The following VANGL2 variants were observed in gnomAD, a reference collection of about 807,000 sequenced individuals.
VANGL2 encodes vang-like protein 2.
In VANGL2, 14 loss-of-function variants were observed where a neutral mutation model predicts 50.2. That is an observed-to-expected ratio of 0.28 (90% CI 0.18 to 0.44). The LOEUF is 0.44. Among genes scored for constraint, VANGL2 ranks in the 20% least tolerant of loss-of-function variants. VANGL2 has a pLI of 1.00. For synonymous variants in VANGL2, 295 were observed against 297.2 expected (o/e 0.99, Z 0.08); for missense variants, 533 against 701.5 (o/e 0.76, Z 2.71).
intron 1 of VANGL2, among the ~76,000 whole-genome samples, chr1:160,414,096 G>A (rs1650976575): frequency 6.6e-6 from 1 of 152,152 alleles, no homozygotes; most frequent in South Asian, 2.1e-4. Context: ...TCACTCTTCT[G>A]TGGCTCTACC....
chr1:160,413,575 T>C (rs1324443001), intron 1 of VANGL2, among the ~76,000 whole-genome samples: 2 of 152,154 alleles, frequency 1.3e-5, no homozygotes, highest in Non-Finnish European at 2.9e-5. Context: ...GTTTTTAACA[T>C]AATCAGCCTC....
chr1:160,410,698 A>ACACG (rs1557906753), intron 1 of VANGL2, among the ~76,000 whole-genome samples: 1 of 80,324 alleles, frequency 1.2e-5, no homozygotes, highest in Non-Finnish European at 3.3e-5. Context: ...ACACACACAC[A>ACACG]CGCACGCACG....
At chr1:160,407,177 T>TA (rs1192597939) in intron 1 of VANGL2, among the ~76,000 whole-genome samples, 1 of 152,138 alleles carries the variant, frequency 6.6e-6, no homozygotes, top group African/African-American at 2.4e-5. Context: ...AGGTGGCAGA[T>TA]ATAAGGGATG....
intron 1 of VANGL2, among the ~76,000 whole-genome samples, 150 bp from the exon 2 acceptor site, chr1:160,415,497 CA>C (rs1412107105): frequency 6.6e-6 from 1 of 152,164 alleles, no homozygotes; most frequent in African/African-American, 2.4e-5. Flanking sequence ...GAACTGGGCC[CA>C]GTGGACAGCA....
rs1372410165 is a variant in VANGL2 at position 160,400,868 on chromosome 1, G to C, written c.-192G>C. 6.6e-6 allele frequency: 1 copy of C among 152,118 alleles called. No homozygotes were observed. The highest frequency in any genetic ancestry group is 1.5e-5 in the Non-Finnish European group (1 of 68,032). The allele number at this position is 152,118 out of a possible 1,614,324, so 9.4% of individuals were successfully genotyped here. A position where few individuals can be genotyped will look rare whatever the true frequency, so the allele number is the denominator to read the frequency against. On this transcript the variant is annotated splice_region_variant and 5_prime_UTR_variant, in exon 1 of 8. Transcript: ENST00000368061. Reference sequence around the variant, plus strand: ...AGCCCACCCGGCAGTTCGCAGCGGCGGGTGAGTGCCGGGCCGCGGGGGCGC... The same window carrying C: ...AGCCCACCCGGCAGTTCGCAGCGGCCGGTGAGTGCCGGGCCGCGGGGGCGC...
At chr1:160,406,467 A>G (rs1293255480) in intron 1 of VANGL2, among the ~76,000 whole-genome samples, 1 of 151,480 alleles carries the variant, frequency 6.6e-6, no homozygotes, top group African/African-American at 2.4e-5. Context: ...CTGGGCAGAA[A>G]CCTCTCCTGG....
In VANGL2 at chr1:160,425,458, C is replaced by A; in HGVS notation, c.*80C>A. On this transcript the variant is annotated 3_prime_UTR_variant, in exon 8 of 8. Transcript: ENST00000368061. Reference sequence around the variant, plus strand: ...GGGGCTTGGTTCTCAGGCCCAGCCACATTCCTGCCACCCTTCTTCTTCTTG... The same window carrying A: ...GGGGCTTGGTTCTCAGGCCCAGCCAAATTCCTGCCACCCTTCTTCTTCTTG... The A allele has an allele frequency of 6.7e-6, 7 of 1,040,668 alleles. No individual in the cohort carries two copies. Among genetic ancestry groups the A allele is most frequent in the Non-Finnish European group, 9.4e-6 (7 of 744,544 alleles). The allele number at this position is 1,040,668 out of a possible 1,614,324, so 64.5% of individuals were successfully genotyped here.
chr1:160,418,507 G>A (rs1193913033), intron 3 of VANGL2, among the ~76,000 whole-genome samples: 1 of 151,470 alleles, frequency 6.6e-6, no homozygotes, highest in African/African-American at 2.4e-5. Flanking sequence ...CCAATAATTA[G>A]CATTATTTTC....
chr1:160,408,981 CA>C (rs1650783983), intron 1 of VANGL2, among the ~76,000 whole-genome samples: 2 of 151,662 alleles, frequency 1.3e-5, no homozygotes, highest in South Asian at 4.1e-4. Context: ...GAAGGAACAT[CA>C]AGGTTCTTAG....
At chr1:160,420,120 G>C (rs1651215350) in intron 4 of VANGL2, among the ~76,000 whole-genome samples, 1 of 152,118 alleles carries the variant, frequency 6.6e-6, no homozygotes, top group Admixed American at 6.5e-5. Flanking sequence ...TCCTGTAGAG[G>C]ATCTTGGGGG....
intron 1 of VANGL2, among the ~76,000 whole-genome samples, chr1:160,403,942 T>C (rs1650566791): frequency 6.6e-6 from 1 of 152,206 alleles, no homozygotes; most frequent in Admixed American, 6.5e-5. Flanking sequence ...ACAAAACTGG[T>C]AACTTTTTGA....
rs552247057 is a variant in VANGL2 at position 160,425,139 on chromosome 1, G to A, written c.1327G>A (p.Ala443Thr). Reference sequence around the variant, plus strand: ...TCAGGCCTTCTTGGAGCGATACTTGGCGGCTGGACCTACCATCCAGTACCA... The same window carrying A: ...TCAGGCCTTCTTGGAGCGATACTTGACGGCTGGACCTACCATCCAGTACCA... Reference protein sequence around the residue: ...TPKAFLERYLAAGPTIQYHKE... With the variant: ...TPKAFLERYLTAGPTIQYHKE... The change falls in exon 8 of 8, where the codon GCG becomes ACG. Residue 443 changes from alanine (A) to threonine (T), a missense_variant. By Grantham distance (58) the Ala-to-Thr change is moderately conservative. Transcript: ENST00000368061. 3.0e-5 allele frequency: 49 copies of A among 1,613,970 alleles called. No individual in the cohort carries two copies. Among genetic ancestry groups the A allele is most frequent in the Admixed American group, 5.0e-5 (3 of 60,004 alleles).
chr1:160,420,332 A>G lies in VANGL2; in HGVS notation c.801-79A>G. ...TCCTGTGTCCTCTCCTGCCCTGCCA[A>G]CCTGCCCTAATGTGTCCCTTTCCCC... On this transcript the variant is annotated intron_variant, in intron 4 of 7. Transcript: ENST00000368061. The G allele has an allele frequency of 1.0e-5, 16 of 1,589,960 alleles. No homozygotes were observed. The South Asian group carries it at 1.7e-4, about 16-fold the overall frequency.
At chr1:160,402,760 T>A (rs1650518892) in intron 1 of VANGL2, among the ~76,000 whole-genome samples, 1 of 152,052 alleles carries the variant, frequency 6.6e-6, no homozygotes, top group Admixed American at 6.6e-5. Context: ...AGGAAGTGAA[T>A]GTCTCTTTCC....
chr1:160,414,786 C>T (rs1650995609), intron 1 of VANGL2, among the ~76,000 whole-genome samples: 2 of 125,830 alleles, frequency 1.6e-5, no homozygotes, highest in African/African-American at 3.1e-5. Flanking sequence ...AACATTGGGT[C>T]TAGAGTAGGT....
chr1:160,408,205 A>G (rs1290292943), intron 1 of VANGL2, among the ~76,000 whole-genome samples: 1 of 151,790 alleles, frequency 6.6e-6, no homozygotes, highest in East Asian at 1.9e-4. Context: ...AGGTCTCTAC[A>G]GAACCTGCCT....
Position 160,419,677 on chromosome 1 carries a change from G to T in VANGL2, c.800+68G>T. 6.4e-7 allele frequency: 1 copy of T among 1,568,380 alleles called. No individual in the cohort carries two copies. Among genetic ancestry groups the T allele is most frequent in the Non-Finnish European group, 8.6e-7 (1 of 1,165,926 alleles). ...TGGGAGGATGTGGAGTGACTGCTAG[G>T]GTGGGAGGGTATGATGGTGGGCTGG... On this transcript the variant is annotated intron_variant, in intron 4 of 7. Transcript: ENST00000368061. The surrounding 1 kb of genome is among the most constrained non-coding windows in gnomAD (Gnocchi z 5.8).
chr1:160,422,918 T>TA (rs890772058), intron 6 of VANGL2, among the ~76,000 whole-genome samples: 3 of 151,444 alleles, frequency 2.0e-5, no homozygotes, highest in Non-Finnish European at 4.4e-5. Context: ...TTTTTTTTTT[T>TA]TTATTGAGAT....
At chr1:160,403,025 C>T (rs1024175471) in intron 1 of VANGL2, among the ~76,000 whole-genome samples, 2 of 152,058 alleles carry the variant, frequency 1.3e-5, no homozygotes, top group African/African-American at 4.8e-5. Context: ...TGGAATGTTC[C>T]CTCTTTAGTC....
Sources: allele counts gnomAD v4.1 joint callset (sites outside exome capture counted in the v4.1 genomes callset), GRCh38; gene constraint gnomAD v4.1.1; non-coding constraint Gnocchi (gnomAD v3.1); transcripts MANE v1.5; gene names NCBI Gene and HGNC (gene_info 2026-07-23, HGNC 2026-07-21).